Variants in OPCML observed in about 807,000 individuals in gnomAD.
OPCML encodes opioid binding protein/cell adhesion molecule like, also known as opioid-binding protein/cell adhesion molecule.
Under a neutral mutation model 37.8 loss-of-function variants are expected in OPCML, and 13 were observed. The ratio of observed to expected loss-of-function variants is 0.34; its 90% CI spans 0.22 to 0.55. OPCML has a LOEUF of 0.55. OPCML is among the 20% of genes least tolerant of loss of function. OPCML has a pLI of 0.91. For synonymous variants in OPCML, 176 were observed against 168.8 expected (o/e 1.04, Z -0.33); for missense variants, 341 against 435.6 (o/e 0.78, Z 1.93).
At chr11:132,442,778 C>G (rs948137201) in intron 4 of OPCML, among the ~76,000 whole-genome samples, 6 of 152,136 alleles carry the variant, frequency 3.9e-5, no homozygotes, top group Non-Finnish European at 7.3e-5. Flanking sequence ...AAGCTTCTTG[C>G]CTGCTGCCAT....
rs147236540 is a variant in OPCML, at chr11:132,629,190, C to T, written c.379+27897G>A. On this transcript the variant is annotated intron_variant, in intron 3 of 7. Coordinates refer to ENST00000524381, the MANE Select transcript of OPCML (RefSeq NM_001012393.5). Reference sequence around the variant, plus strand: ...CTTCCCTGCTTGGTCCTGCGTCATACGCTGTGCCCCTGTTTCCAAGAATCT... The same window carrying T: ...CTTCCCTGCTTGGTCCTGCGTCATATGCTGTGCCCCTGTTTCCAAGAATCT... Among the ~76,000 whole-genome samples the T allele has an allele frequency of 3.4e-4, 52 of 152,220 alleles. No homozygotes were observed. In the East Asian group the frequency reaches 8.3e-3, roughly 24 times the overall value.
chr11:132,869,957 T>G (rs1274271903), intron 2 of OPCML, among the ~76,000 whole-genome samples: 1 of 152,168 alleles, frequency 6.6e-6, no homozygotes, highest in African/African-American at 2.4e-5. Flanking sequence ...CAGTCAAACA[T>G]CATCTATTTA....
intron 2 of OPCML, among the ~76,000 whole-genome samples, chr11:132,824,611 A>C (rs1002494284): frequency 6.6e-6 from 1 of 152,138 alleles, no homozygotes; most frequent in East Asian, 1.9e-4. Context: ...CTGCTTCTCC[A>C]CTGAAATGGC....
At chr11:133,272,418 G>T (rs1316469229) in intron 1 of OPCML, among the ~76,000 whole-genome samples, 1 of 152,146 alleles carries the variant, frequency 6.6e-6, no homozygotes, top group African/African-American at 2.4e-5. Flanking sequence ...GACCCACAAA[G>T]CACTATATTA....
intron 7 of OPCML, among the ~76,000 whole-genome samples, chr11:132,428,700 C>A (rs1565554121): frequency 6.6e-6 from 1 of 152,228 alleles, no homozygotes; most frequent in Non-Finnish European, 1.5e-5. Flanking sequence ...TCCCTTGCCC[C>A]TTCCATCCAT....
rs534337070 is a variant in OPCML, at chr11:132,418,057, A to T, written c.*2136T>A. On this transcript the variant is annotated 3_prime_UTR_variant, in exon 8 of 8. Transcript: ENST00000524381. ...AGCCTATGTTTGTATGTATGTATAT[A>T]TGTATAGATATCTCTGTGTGTGTTT... is the stretch of plus-strand genomic sequence containing the variant. The T allele has an allele frequency of 6.6e-6, 1 of 152,324 alleles. No homozygotes were observed. Among genetic ancestry groups the T allele is most frequent in the Admixed American group, 6.5e-5 (1 of 15,302 alleles). The allele number at this position is 152,324 out of a possible 1,614,324, so 9.4% of individuals were successfully genotyped here.
At chr11:132,856,458 G>A (rs1028718820) in intron 2 of OPCML, among the ~76,000 whole-genome samples, 1 of 152,162 alleles carries the variant, frequency 6.6e-6, no homozygotes, top group Admixed American at 6.5e-5. Context: ...ATCAGGTGAT[G>A]GTCATGCAGT....
chr11:133,178,568 A>G (rs1338167830), intron 1 of OPCML, among the ~76,000 whole-genome samples: 1 of 152,160 alleles, frequency 6.6e-6, no homozygotes, highest in African/African-American at 2.4e-5. Flanking sequence ...CTTCTCATCC[A>G]GCTAGAGAAA....
chr11:132,942,875 C>T (rs762688527), intron 2 of OPCML, 51 bp downstream of exon 2: 1 of 1,606,740 alleles, frequency 6.2e-7, no homozygotes, highest in South Asian at 1.1e-5. Flanking sequence ...CCTCCTCTCC[C>T]CAGCGACCAC....
At chr11:132,985,179 C>A (rs1180306658) in intron 1 of OPCML, among the ~76,000 whole-genome samples, 1 of 152,148 alleles carries the variant, frequency 6.6e-6, no homozygotes. Context: ...ACAAATTTAT[C>A]AACTTGAAAC....
At chr11:132,768,696 A>G (rs771860160) in intron 2 of OPCML, among the ~76,000 whole-genome samples, 6 of 152,128 alleles carry the variant, frequency 3.9e-5, no homozygotes, top group Non-Finnish European at 7.3e-5. Context: ...CAATGCCACT[A>G]TCTCCTTTCA....
chr11:132,826,872 T>C (rs1301431055), intron 2 of OPCML, among the ~76,000 whole-genome samples: 1 of 152,198 alleles, frequency 6.6e-6, no homozygotes, highest in East Asian at 1.9e-4. Context: ...ATCTGAATAC[T>C]TTTAGTGTCC....
At chr11:132,944,090 G>A (rs1454478694) in intron 1 of OPCML, among the ~76,000 whole-genome samples, 1 of 152,054 alleles carries the variant, frequency 6.6e-6, no homozygotes, top group African/African-American at 2.4e-5. Flanking sequence ...GGATGCCTGC[G>A]GGGATGAGCC....
At chr11:133,461,726 T>G (rs1334350406) in intron 1 of OPCML, among the ~76,000 whole-genome samples, 2 of 152,034 alleles carry the variant, frequency 1.3e-5, no homozygotes, top group Non-Finnish European at 1.5e-5. Flanking sequence ...GTCTAAAGAT[T>G]CAGTACAATC....
At chr11:132,461,542 G>A (rs1038644638) in intron 4 of OPCML, among the ~76,000 whole-genome samples, 12 of 151,972 alleles carry the variant, frequency 7.9e-5, no homozygotes, top group African/African-American at 2.7e-4. Flanking sequence ...TGTAATACAT[G>A]GGTAAACAAA....
chr11:132,771,605 C>T (rs917089317), intron 2 of OPCML: 18 of 152,330 alleles, frequency 1.2e-4, no homozygotes, highest in Non-Finnish European at 1.8e-4. Flanking sequence ...CTGCATGGCA[C>T]GGTTCACACA....
chr11:133,179,789 C>T (rs1217349290), intron 1 of OPCML, among the ~76,000 whole-genome samples: 2 of 152,194 alleles, frequency 1.3e-5, no homozygotes, highest in Non-Finnish European at 2.9e-5. Context: ...GAGGAAAGAG[C>T]ATTTCAAATA....
chr11:132,526,888 C>G (rs1017145250), intron 4 of OPCML, among the ~76,000 whole-genome samples: 2 of 152,156 alleles, frequency 1.3e-5, no homozygotes, highest in African/African-American at 4.8e-5. Context: ...CGTCACTTCT[C>G]CCCTAATCCC....
At chr11:132,909,106 C>A (rs1304733346) in intron 2 of OPCML, among the ~76,000 whole-genome samples, 1 of 152,194 alleles carries the variant, frequency 6.6e-6, no homozygotes, top group Non-Finnish European at 1.5e-5. Context: ...AAGCGAGGAG[C>A]AGCTTCAGCT....
Sources: gnomAD v4.1 joint callset for allele counts (sites outside exome capture counted in the v4.1 genomes callset) on GRCh38, gnomAD v4.1.1 for gene constraint, MANE v1.5 for transcripts, NCBI Gene and HGNC (gene_info 2026-07-23, HGNC 2026-07-21) for gene names.